ASPRV1: variants seen among roughly 807,000 people sequenced by gnomAD.
ASPRV1 encodes the protein aspartic peptidase retroviral like 1, also known as retroviral-like aspartic protease 1.
A neutral mutation model predicts 11.0 loss-of-function variants in ASPRV1; 7 were observed. That is an observed-to-expected ratio of 0.64 (90% CI 0.36 to 1.20). ASPRV1 has a LOEUF of 1.20. ASPRV1 is among the 50% of genes most tolerant of loss of function. The probability of loss-of-function intolerance (pLI) is 0.02; values close to 1 mark genes in which losing one functional copy is unlikely to be tolerated. For synonymous variants in ASPRV1, 136 were observed against 138.4 expected (o/e 0.98, Z 0.12); for missense variants, 299 against 320.0 (o/e 0.93, Z 0.50).
chr2:70,003,495 C>G, the ASPRV1 span, among the ~76,000 whole-genome samples: 4 of 152,222 alleles, frequency 2.6e-5, no homozygotes, highest in Admixed American at 2.6e-4. Flanking sequence ...CTCTCTTGCT[C>G]TCTCTGTGAA....
the ASPRV1 span, among the ~76,000 whole-genome samples, chr2:70,027,572 T>C: frequency 6.6e-6 from 1 of 152,140 alleles, no homozygotes; most frequent in Non-Finnish European, 1.5e-5. Flanking sequence ...AGAATGAAAT[T>C]CTGTCATTTG....
chr2:70,020,480 T>C, the ASPRV1 span, among the ~76,000 whole-genome samples: 1 of 152,182 alleles, frequency 6.6e-6, no homozygotes, highest in Non-Finnish European at 1.5e-5. Flanking sequence ...CGGTGGCTCA[T>C]GCCTGTGATC....
the ASPRV1 span, among the ~76,000 whole-genome samples, chr2:69,992,847 T>G: frequency 1.3e-5 from 2 of 152,260 alleles, no homozygotes; most frequent in Non-Finnish European, 2.9e-5. Flanking sequence ...GGATGTGCAA[T>G]GCATTACACG....
At chr2:70,057,319 C>CT in the ASPRV1 span, among the ~76,000 whole-genome samples, 1 of 152,084 alleles carries the variant, frequency 6.6e-6, no homozygotes, top group African/African-American at 2.4e-5. Context: ...AGTTTCTCCT[C>CT]TTTTTACATA....
At chr2:70,084,835 A>G in the ASPRV1 span, among the ~76,000 whole-genome samples, 1 of 152,240 alleles carries the variant, frequency 6.6e-6, no homozygotes, top group African/African-American at 2.4e-5. Flanking sequence ...GTAAGCACCT[A>G]GTGCTGTAAC....
chr2:70,027,446 C>T, the ASPRV1 span, among the ~76,000 whole-genome samples: 1 of 152,100 alleles, frequency 6.6e-6, no homozygotes, highest in Non-Finnish European at 1.5e-5. Flanking sequence ...GAGATATCTG[C>T]ACTCCCATGT....
At chr2:69,963,372 C>A (rs1163785956), upstream of ASPRV1, 11 of 456,710 alleles carry the variant, frequency 2.4e-5, 1 homozygote, top group South Asian at 1.7e-4. Flanking sequence ...GACCAGGAAG[C>A]CCTTTCTGCA....
At chr2:69,963,728 C>T (rs1165367530), upstream of ASPRV1, among the ~76,000 whole-genome samples, 1 of 152,210 alleles carries the variant, frequency 6.6e-6, no homozygotes, top group Non-Finnish European at 1.5e-5. Context: ...GCATTTTACA[C>T]ACATCACCTC....
chr2:69,943,800 G>T, the ASPRV1 span, among the ~76,000 whole-genome samples: 1 of 152,264 alleles, frequency 6.6e-6, no homozygotes, highest in East Asian at 1.9e-4. Context: ...TGGCAAGTTC[G>T]CCAAGTGCAG....
chr2:69,948,198 C>T, the ASPRV1 span, among the ~76,000 whole-genome samples: 13 of 152,060 alleles, frequency 8.5e-5, no homozygotes, highest in Non-Finnish European at 7.4e-5. Flanking sequence ...CAGTGAGTCA[C>T]GATTGCACCA....
the ASPRV1 span, among the ~76,000 whole-genome samples, chr2:70,025,715 T>C: frequency 3.9e-5 from 6 of 152,330 alleles, no homozygotes; most frequent in African/African-American, 1.2e-4. Context: ...GGAGAGCAGA[T>C]ACTCTCTGTG....
chr2:69,972,445 T>A, the ASPRV1 span, among the ~76,000 whole-genome samples: 1 of 148,992 alleles, frequency 6.7e-6, no homozygotes, highest in Non-Finnish European at 1.5e-5. Flanking sequence ...GCAACGTCTG[T>A]CTCCCAGGTT....
At chr2:70,039,862 C>T in the ASPRV1 span, among the ~76,000 whole-genome samples, 1 of 152,142 alleles carries the variant, frequency 6.6e-6, no homozygotes, top group East Asian at 1.9e-4. Flanking sequence ...ACATTACAAC[C>T]GGAGACTATT....
chr2:69,956,479 A>AAAGAAGAAGAAGAAGAAGAAGAAGAAG (rs1677942752), downstream of ASPRV1, among the ~76,000 whole-genome samples: 3 of 131,998 alleles, frequency 2.3e-5, no homozygotes, highest in African/African-American at 3.6e-5. Flanking sequence ...AGAAGAAGAA[A>AAAGAAGAAGAAGAAGAAGAAGAAGAAG]AGAGGAAGAA....
chr2:70,010,125 G>A, the ASPRV1 span, among the ~76,000 whole-genome samples: 8 of 152,288 alleles, frequency 5.3e-5, no homozygotes, highest in Middle Eastern at 3.4e-3. Flanking sequence ...ACTAGCACAG[G>A]AGAGTCACAC....
At chr2:70,080,119 C>T in the ASPRV1 span, among the ~76,000 whole-genome samples, 3 of 152,144 alleles carry the variant, frequency 2.0e-5, no homozygotes, top group Admixed American at 1.3e-4. Flanking sequence ...AACCTCCTAA[C>T]CAGCTTAACA....
At chr2:70,030,993 A>G in the ASPRV1 span, 9 of 152,190 alleles carry the variant, frequency 5.9e-5, no homozygotes, top group Admixed American at 5.9e-4. Flanking sequence ...TATCATTACA[A>G]TGATAATGAA....
the ASPRV1 span, among the ~76,000 whole-genome samples, chr2:70,008,114 G>A: frequency 1.3e-5 from 2 of 151,920 alleles, no homozygotes; most frequent in African/African-American, 4.8e-5. Context: ...GGGATTATAG[G>A]CATGAGCCAC....
chr2:70,068,496 A>G, the ASPRV1 span, among the ~76,000 whole-genome samples: 1 of 152,176 alleles, frequency 6.6e-6, no homozygotes, highest in Admixed American at 6.6e-5. Flanking sequence ...GGGTATCTAG[A>G]GGAGTCACTT....
Sources: allele counts gnomAD v4.1 joint callset (sites outside exome capture counted in the v4.1 genomes callset), GRCh38; gene constraint gnomAD v4.1.1; transcripts MANE v1.5; gene names NCBI Gene and HGNC (gene_info 2026-07-23, HGNC 2026-07-21).